Variants in PTDSS1 observed in about 807,000 individuals in gnomAD.
PTDSS1 encodes the protein PSS-1.
Under a neutral mutation model 70.5 loss-of-function variants are expected in PTDSS1, and 45 were observed. The ratio of observed to expected loss-of-function variants is 0.64; its 90% CI spans 0.50 to 0.82. The LOEUF (loss-of-function observed/expected upper bound fraction) is 0.82. Ranked by LOEUF, PTDSS1 falls within the 40% of genes least tolerant of loss-of-function variation. The pLI, the probability that PTDSS1 is intolerant of heterozygous loss-of-function variation, is 0.00. For synonymous variants in PTDSS1, 188 were observed against 203.8 expected (o/e 0.92, Z 0.66); for missense variants, 417 against 586.1 (o/e 0.71, Z 2.98).
intron 10 of PTDSS1, among the ~76,000 whole-genome samples, chr8:96,321,742 C>T (rs1472481250): frequency 6.6e-6 from 1 of 151,922 alleles, no homozygotes; most frequent in Non-Finnish European, 1.5e-5. Flanking sequence ...TCGCCTTTAA[C>T]GGGATCTATT....
chr8:96,293,528 A>G (rs1260561637), intron 4 of PTDSS1, among the ~76,000 whole-genome samples: 1 of 152,264 alleles, frequency 6.6e-6, no homozygotes, highest in East Asian at 1.9e-4. Context: ...TTCTGCCTGC[A>G]TGCAGCTCTC....
Position 96,262,370 on chromosome 8 carries a change from G to T in PTDSS1, c.179+151G>T, listed in dbSNP as rs1467758022. ...GCACTGGCAGCCCGCCGCCCACGCG[G>T]CCCCTCCGCCCGCCCGGTGTCTCAC... On this transcript the variant is annotated intron_variant, in intron 1 of 12. Transcript: ENST00000517309. The surrounding 1 kb of genome is among the most constrained non-coding windows in gnomAD (Gnocchi z 4.4). 2.9e-6 allele frequency: 3 copies of T among 1,032,240 alleles called. No individual in the cohort carries two copies. In the East Asian group the frequency reaches 8.2e-5, roughly 28 times the overall value. The allele number at this position is 1,032,240 out of a possible 1,614,324, so 63.9% of individuals were successfully genotyped here. A position where few individuals can be genotyped will look rare whatever the true frequency, so the allele number is the denominator to read the frequency against.
At chr8:96,300,664 A>G (rs747247741) in intron 6 of PTDSS1, among the ~76,000 whole-genome samples, 12 of 152,242 alleles carry the variant, frequency 7.9e-5, no homozygotes, top group Non-Finnish European at 1.5e-4. Context: ...TGTTTACTCT[A>G]TATAACAAAA....
intron 7 of PTDSS1, among the ~76,000 whole-genome samples, chr8:96,305,199 G>C (rs1006799699): frequency 1.3e-5 from 2 of 152,194 alleles, no homozygotes; most frequent in African/African-American, 2.4e-5. Context: ...GTATAGTGCC[G>C]TTAGGATGGA....
At chr8:96,312,194 T>C (rs1811222397) in intron 9 of PTDSS1, among the ~76,000 whole-genome samples, 2 of 152,234 alleles carry the variant, frequency 1.3e-5, no homozygotes, top group African/African-American at 2.4e-5. Flanking sequence ...CTCACGCCTG[T>C]AATCTCAGCA....
chr8:96,302,730 C>T lies in PTDSS1; in HGVS notation c.753-1310C>T, dbSNP rs571353910. ...CCAAATAGCTGGGACTGCAGGCACC[C>T]GCCACCACACCTGGCTAATTTTTGT... is the stretch of plus-strand genomic sequence containing the variant. On this transcript the variant is annotated intron_variant, in intron 6 of 12. Transcript: ENST00000517309. Among the ~76,000 whole-genome samples, 6 of 152,144 alleles carry T rather than the reference C, an allele frequency of 3.9e-5. No homozygotes were observed. The East Asian group carries it at 5.8e-4, about 15-fold the overall frequency.
chr8:96,303,876 T>C (rs1811084219), intron 6 of PTDSS1, among the ~76,000 whole-genome samples, 164 bp from the exon 7 acceptor site: 1 of 152,120 alleles, frequency 6.6e-6, no homozygotes, highest in Non-Finnish European at 1.5e-5. Flanking sequence ...GTCACCTGCT[T>C]TACCTGTATA....
intron 2 of PTDSS1, among the ~76,000 whole-genome samples, chr8:96,276,951 C>G (rs956362314): frequency 6.7e-6 from 1 of 150,078 alleles, no homozygotes; most frequent in Non-Finnish European, 1.5e-5. Flanking sequence ...TTCTTCTCCT[C>G]CCGGGCACAT....
intron 7 of PTDSS1, 46 bp downstream of exon 7, chr8:96,304,227 A>C (rs768196114): frequency 6.4e-7 from 1 of 1,567,216 alleles, no homozygotes; most frequent in South Asian, 1.2e-5. Context: ...CAAAAACTAA[A>C]ATAAAAACTT....
At chr8:96,302,576 C>CTTGTTG (rs10694580) in intron 6 of PTDSS1, among the ~76,000 whole-genome samples, 18 of 151,102 alleles carry the variant, frequency 1.2e-4, no homozygotes, top group East Asian at 2.0e-4. Flanking sequence ...GTCTGCTTTC[C>CTTGTTG]TTGTTGTTGT....
intron 4 of PTDSS1, among the ~76,000 whole-genome samples, chr8:96,291,839 A>G (rs1337655816): frequency 6.6e-6 from 1 of 151,808 alleles, no homozygotes; most frequent in Non-Finnish European, 1.5e-5. Flanking sequence ...GGACTGCTTC[A>G]TAGCTGGTGC....
intron 11 of PTDSS1, 26 bp from the exon 12 acceptor site, chr8:96,331,000 T>A: frequency 1.3e-6 from 2 of 1,593,228 alleles, no homozygotes; most frequent in Non-Finnish European, 1.7e-6. Context: ...CTAAAATTCC[T>A]GCACTAAGCC....
At chr8:96,299,537 A>G (rs1303175489) in intron 5 of PTDSS1, among the ~76,000 whole-genome samples, 157 bp from the exon 6 acceptor site, 2 of 152,254 alleles carry the variant, frequency 1.3e-5, no homozygotes, top group Non-Finnish European at 2.9e-5. Context: ...AACAGATTGC[A>G]GAACCTGTTA....
At position 96,334,678 on chromosome 8, in the gene PTDSS1, G is replaced by T. The variant is rs1237248973; in HGVS notation, c.*1112G>T. On this transcript the variant is annotated 3_prime_UTR_variant, in exon 13 of 13. Transcript: ENST00000517309. ...TGTTTTACATAGTGAGAAGAAAAAA[G>T]AAAAGATGTGTATTTTAAAGGGCTT... is the stretch of plus-strand genomic sequence containing the variant. 1 of 152,394 alleles carries T rather than the reference G, an allele frequency of 6.6e-6. No homozygotes were observed. The highest frequency in any genetic ancestry group is 1.9e-4 in the East Asian group (1 of 5,192). 9.4% of individuals were successfully genotyped at this position (152,394 alleles called of 1,614,324 possible). A position where few individuals can be genotyped will look rare whatever the true frequency, so the allele number is the denominator to read the frequency against.
In PTDSS1 at chr8:96,333,899, G is replaced by A. The variant is rs1176211694; in HGVS notation, c.*333G>A. ...GCAGCTCCGCGCCTGCTGGATCGTG[G>A]ATGCAGCGTAAACATCTTCCTTCAG... On this transcript the variant is annotated 3_prime_UTR_variant, in exon 13 of 13. Coordinates refer to ENST00000517309, the MANE Select transcript of PTDSS1 (RefSeq NM_014754.3). 1 of 606,734 alleles carries A rather than the reference G, an allele frequency of 1.6e-6. No homozygotes were observed. Among genetic ancestry groups the A allele is most frequent in the Non-Finnish European group, 3.0e-6 (1 of 338,366 alleles). 37.6% of individuals were successfully genotyped at this position (606,734 alleles called of 1,614,324 possible).
chr8:96,285,359 CAG>C (rs1353655200), intron 3 of PTDSS1, among the ~76,000 whole-genome samples: 2 of 152,112 alleles, frequency 1.3e-5, no homozygotes, highest in Admixed American at 1.3e-4. Context: ...GGAGAGAAGT[CAG>C]AGAGTCATCG....
At chr8:96,301,215 C>T (rs868700835) in intron 6 of PTDSS1, among the ~76,000 whole-genome samples, 4 of 152,054 alleles carry the variant, frequency 2.6e-5, no homozygotes, top group Non-Finnish European at 5.9e-5. Flanking sequence ...CTGCAGCCTC[C>T]GCCTCTCAAG....
rs750085900 is a variant in PTDSS1 at position 96,331,052 on chromosome 8, C to CTGT, written c.1270_1271insGTT (p.Thr423_Tyr424insCys). On this transcript the variant is annotated inframe_insertion, in exon 12 of 13. Transcript: ENST00000517309. Reference sequence around the variant, plus strand: ...CCTACTCGGAGTGTGAAGATGGCACCTACAGTCCAGAGATCTCCTGGCATC... The same window carrying CTGT: ...CCTACTCGGAGTGTGAAGATGGCACCTGTTACAGTCCAGAGATCTCCTGGCATC... The CTGT allele has an allele frequency of 6.2e-7, 1 of 1,613,638 alleles. No homozygotes were observed. Among genetic ancestry groups the CTGT allele is most frequent in the South Asian group, 1.1e-5 (1 of 91,060 alleles).
intron 1 of PTDSS1, among the ~76,000 whole-genome samples, chr8:96,271,870 A>C (rs1810572026): frequency 6.7e-6 from 1 of 149,790 alleles, no homozygotes; most frequent in South Asian, 2.1e-4. Context: ...TTTTTCAATA[A>C]GGTAGACTTT....
Sources: allele counts gnomAD v4.1 joint callset (sites outside exome capture counted in the v4.1 genomes callset), GRCh38; gene constraint gnomAD v4.1.1; non-coding constraint Gnocchi (gnomAD v3.1); transcripts MANE v1.5; gene names NCBI Gene and HGNC (gene_info 2026-07-23, HGNC 2026-07-21).